Variants in MAN1C1 observed in about 807,000 individuals in gnomAD.
The protein encoded by MAN1C1 is mannosyl-oligosaccharide 1,2-alpha-mannosidase IC.
A neutral mutation model predicts 71.5 loss-of-function variants in MAN1C1; 49 were observed. The observed-to-expected ratio is 0.69, with a 90% CI of 0.54 to 0.87. The LOEUF is 0.87. Among genes scored for constraint, MAN1C1 ranks in the 40% least tolerant of loss-of-function variants. MAN1C1 has a pLI of 0.00. For missense variants in MAN1C1, 743 were observed against 835.0 expected (o/e 0.89, Z 1.36); for synonymous variants, 352 against 343.7 (o/e 1.02, Z -0.27).
At chr1:25,636,686 G>C (rs554450793) in intron 1 of MAN1C1, among the ~76,000 whole-genome samples, 35 of 152,342 alleles carry the variant, frequency 2.3e-4, no homozygotes, top group African/African-American at 7.9e-4. Context: ...CAGTGGTCCT[G>C]AGGTGACGTA....
intron 1 of MAN1C1, among the ~76,000 whole-genome samples, chr1:25,685,972 T>C (rs1455982685): frequency 6.6e-6 from 1 of 152,220 alleles, no homozygotes; most frequent in Non-Finnish European, 1.5e-5. Context: ...TCTCACTGAC[T>C]CACTGAGCGA....
intron 2 of MAN1C1, among the ~76,000 whole-genome samples, chr1:25,690,818 C>T (rs2124189220): frequency 6.6e-6 from 1 of 152,330 alleles, no homozygotes; most frequent in South Asian, 2.1e-4. Context: ...AGAGCAGGCA[C>T]TTGATCGGGG....
At chr1:25,781,204 G>T in intron 10 of MAN1C1, 92 bp downstream of exon 10, 1 of 1,385,984 alleles carries the variant, frequency 7.2e-7, no homozygotes, top group Admixed American at 1.9e-5. Context: ...GGCCTGGAGT[G>T]GAAGGCCAAG....
chr1:25,684,720 G>A lies in MAN1C1; in HGVS notation c.541-1720G>A, dbSNP rs559793490. Among the ~76,000 whole-genome samples, 10 of 152,374 alleles carry A rather than the reference G, an allele frequency of 6.6e-5. No individual in the cohort carries two copies. In the East Asian group the frequency reaches 1.2e-3, roughly 18 times the overall value. Reference sequence around the variant, plus strand: ...CTAAGCGCGGGCACCAGGAGTGGCCGAGCATGGAGAATACAGGTGGTGATA... The same window carrying A: ...CTAAGCGCGGGCACCAGGAGTGGCCAAGCATGGAGAATACAGGTGGTGATA... On this transcript the variant is annotated intron_variant, in intron 1 of 11. Coordinates refer to ENST00000374332, the MANE Select transcript of MAN1C1 (RefSeq NM_020379.4).
chr1:25,677,234 G>A (rs1292890738), intron 1 of MAN1C1, among the ~76,000 whole-genome samples: 5 of 152,180 alleles, frequency 3.3e-5, no homozygotes, highest in Non-Finnish European at 7.3e-5. Context: ...ATTCAGCTCC[G>A]ATGGCTCTGC....
intron 1 of MAN1C1, among the ~76,000 whole-genome samples, chr1:25,674,102 T>C (rs566554005): frequency 6.6e-6 from 1 of 152,328 alleles, no homozygotes; most frequent in Non-Finnish European, 1.5e-5. Flanking sequence ...TTTGGTGGCC[T>C]TCTCTGTGCA....
In MAN1C1 at chr1:25,631,561, A is replaced by G. The variant is rs1219340754; in HGVS notation, c.540+13224A>G. ...ATATATGACATTTATTGACTTGTAT[A>G]TGTTAGACCATCCCTGCATCCCTGC... On this transcript the variant is annotated intron_variant, in intron 1 of 11. Transcript: ENST00000374332. This position sits in a 1 kb window ranked among gnomAD's most constrained non-coding sequence, Gnocchi z 4.2. Among the ~76,000 whole-genome samples the G allele has an allele frequency of 2.0e-5, 3 of 152,086 alleles. No individual in the cohort carries two copies. The highest frequency in any genetic ancestry group is 7.2e-5 in the African/African-American group (3 of 41,406).
intron 1 of MAN1C1, among the ~76,000 whole-genome samples, chr1:25,641,852 A>G (rs34591965): frequency 0.14 from 20,684 of 152,278 alleles, 1,877 homozygotes; most frequent in Non-Finnish European, 0.2. Flanking sequence ...GACACTGTTT[A>G]CATGATACGG....
chr1:25,758,069 T>G (rs1363816231), intron 5 of MAN1C1, among the ~76,000 whole-genome samples: 1 of 152,232 alleles, frequency 6.6e-6, no homozygotes, highest in Non-Finnish European at 1.5e-5. Flanking sequence ...TTTCATGTCC[T>G]TGGGCAGCAC....
rs79336075 is a variant in MAN1C1 at position 25,695,627 on chromosome 1, C to T, written c.637+9091C>T. ...CGACCACTCACCGCTCCACACTCTGCGCTTTCCTTCTTCAAAGAGTTTTTG... is the reference window on the plus strand; with the variant it reads ...CGACCACTCACCGCTCCACACTCTGTGCTTTCCTTCTTCAAAGAGTTTTTG... On this transcript the variant is annotated intron_variant, in intron 2 of 11. Transcript: ENST00000374332. Among the ~76,000 whole-genome samples, 1,490 of 152,348 alleles carry T rather than the reference C, an allele frequency of 9.8e-3. 27 individuals carry two copies. Among genetic ancestry groups the T allele is most frequent in the African/African-American group, 0.032 (1,319 of 41,570 alleles).
chr1:25,704,590 G>A (rs2046493276), intron 2 of MAN1C1, among the ~76,000 whole-genome samples: 1 of 152,152 alleles, frequency 6.6e-6, no homozygotes, highest in African/African-American at 2.4e-5. Flanking sequence ...TAGAGGTGCT[G>A]GGTAAGCATC....
At chr1:25,635,995 G>A (rs866543593) in intron 1 of MAN1C1, among the ~76,000 whole-genome samples, 20 of 152,294 alleles carry the variant, frequency 1.3e-4, no homozygotes, top group Admixed American at 9.8e-4. Context: ...CGGTAGGACC[G>A]TGATGCCCAC....
intron 1 of MAN1C1, among the ~76,000 whole-genome samples, chr1:25,659,533 T>G (rs1004720748): frequency 2.0e-5 from 3 of 152,224 alleles, no homozygotes; most frequent in Admixed American, 1.3e-4. Flanking sequence ...GCCTAAAATA[T>G]AATTCAAAAG....
intron 2 of MAN1C1, among the ~76,000 whole-genome samples, chr1:25,708,500 C>T (rs2046557278): frequency 6.6e-6 from 1 of 152,140 alleles, no homozygotes; most frequent in Admixed American, 6.5e-5. Flanking sequence ...TTCAGCTACC[C>T]CCGCCCATCT....
intron 2 of MAN1C1, among the ~76,000 whole-genome samples, chr1:25,728,054 G>C (rs1391741678): frequency 2.0e-5 from 3 of 152,224 alleles, no homozygotes; most frequent in Admixed American, 6.5e-5. Context: ...ACTGCTTCCC[G>C]GGGCAGCTTC....
intron 1 of MAN1C1, among the ~76,000 whole-genome samples, chr1:25,629,958 T>A (rs1382368450): frequency 6.6e-6 from 1 of 152,212 alleles, no homozygotes; most frequent in Non-Finnish European, 1.5e-5. Context: ...AGTCATGAAG[T>A]CTTTGCCTAG....
intron 2 of MAN1C1, among the ~76,000 whole-genome samples, chr1:25,731,799 G>A (rs904505914): frequency 3.9e-5 from 6 of 152,280 alleles, no homozygotes; most frequent in South Asian, 2.1e-4. Context: ...AGATGGATTC[G>A]TCATGGCCTG....
intron 6 of MAN1C1, chr1:25,761,625 T>TC (rs1239682326): frequency 7.1e-6 from 1 of 140,652 alleles, no homozygotes; most frequent in Non-Finnish European, 1.5e-5. Flanking sequence ...TACTTCTTTT[T>TC]TTTTTTTTTT....
chr1:25,715,333 C>G (rs973906674), intron 2 of MAN1C1, among the ~76,000 whole-genome samples: 27 of 152,078 alleles, frequency 1.8e-4, no homozygotes, highest in Non-Finnish European at 3.1e-4. Context: ...CAAGGCAGTT[C>G]TACCTCAAGC....
Sources: allele counts gnomAD v4.1 joint callset (sites outside exome capture counted in the v4.1 genomes callset), GRCh38; gene constraint gnomAD v4.1.1; non-coding constraint Gnocchi (gnomAD v3.1); transcripts MANE v1.5; gene names NCBI Gene and HGNC (gene_info 2026-07-23, HGNC 2026-07-21).